RFX4: variants seen among roughly 807,000 people sequenced by gnomAD.
The protein encoded by RFX4 is transcription factor RFX4.
RFX4 carries 10 observed loss-of-function variants against 95.0 expected under a neutral mutation model. The ratio of observed to expected loss-of-function variants is 0.11; its 90% CI spans 0.06 to 0.18. The LOEUF is 0.18. Ranked by LOEUF, RFX4 falls within the 10% of genes least tolerant of loss-of-function variation. RFX4 has a pLI of 1.00. For missense variants in RFX4, 640 were observed against 922.0 expected, an observed-to-expected ratio of 0.69 and a Z score of 3.96; for synonymous variants, 321 against 340.7, an observed-to-expected ratio of 0.94 and a Z score of 0.64.
chr12:106,696,888 T>C (rs1389792979), intron 8 of RFX4, among the ~76,000 whole-genome samples: 1 of 152,234 alleles, frequency 6.6e-6, no homozygotes, highest in Non-Finnish European at 1.5e-5. Context: ...TTGAAGTTTA[T>C]GCTGGACAGC....
At chr12:106,602,580 A>T (rs1461526878) in intron 1 of RFX4, among the ~76,000 whole-genome samples, 1 of 151,998 alleles carries the variant, frequency 6.6e-6, no homozygotes, top group Non-Finnish European at 1.5e-5. Context: ...CCCGTCAGTC[A>T]CTCTGCATCA....
At chr12:106,641,701 C>T (rs1486637054) in intron 3 of RFX4, among the ~76,000 whole-genome samples, 1 of 152,116 alleles carries the variant, frequency 6.6e-6, no homozygotes, top group East Asian at 1.9e-4. Context: ...AGAATTTGTA[C>T]ATATTCGCCT....
intron 7 of RFX4, among the ~76,000 whole-genome samples, chr12:106,694,337 G>A (rs1476215919): frequency 1.3e-5 from 2 of 152,300 alleles, no homozygotes; most frequent in East Asian, 3.9e-4. Flanking sequence ...CTATTCACAG[G>A]AGGCTGAGAT....
At chr12:106,643,611 C>T (rs182718634) in intron 3 of RFX4, among the ~76,000 whole-genome samples, 246 of 152,172 alleles carry the variant, frequency 1.6e-3, no homozygotes, top group Non-Finnish European at 2.8e-3. Flanking sequence ...TGATTTACAA[C>T]GTGTCCCCTT....
chr12:106,700,294 C>T (rs767928974), intron 8 of RFX4, among the ~76,000 whole-genome samples: 28 of 151,858 alleles, frequency 1.8e-4, no homozygotes, highest in Non-Finnish European at 2.6e-4. Context: ...AGTCTCCCAA[C>T]GCGTTGGGAT....
chr12:106,688,169 A>T (rs974472040), intron 6 of RFX4, among the ~76,000 whole-genome samples: 3 of 148,648 alleles, frequency 2.0e-5, no homozygotes, highest in Non-Finnish European at 4.4e-5. Flanking sequence ...TCCCAGGTTC[A>T]AGCAATTCTC....
intron 1 of RFX4, among the ~76,000 whole-genome samples, chr12:106,597,863 A>G (rs1316367779): frequency 6.6e-6 from 1 of 152,284 alleles, no homozygotes; most frequent in East Asian, 1.9e-4. Context: ...CCATCTCTAA[A>G]AAAAGGTGGT....
chr12:106,760,754 G>A (rs963132500), intron 17 of RFX4, among the ~76,000 whole-genome samples: 9 of 152,102 alleles, frequency 5.9e-5, no homozygotes, highest in African/African-American at 2.2e-4. Context: ...ATGCTCTTGG[G>A]TTGACAGACT....
chr12:106,760,236 A>G (rs1246100216), intron 17 of RFX4, among the ~76,000 whole-genome samples: 1 of 152,176 alleles, frequency 6.6e-6, no homozygotes, highest in African/African-American at 2.4e-5. Flanking sequence ...TCAGCACAGC[A>G]AAGAAATCTT....
chr12:106,681,910 T>G, intron 4 of RFX4, 83 bp from the exon 5 acceptor site: 1 of 1,442,978 alleles, frequency 6.9e-7, no homozygotes, highest in East Asian at 2.3e-5. Context: ...TTTCCTCCCT[T>G]CTGTAGATGG....
At chr12:106,659,356 A>G (rs2041025683) in intron 4 of RFX4, among the ~76,000 whole-genome samples, 1 of 152,120 alleles carries the variant, frequency 6.6e-6, no homozygotes, top group South Asian at 2.1e-4. Flanking sequence ...GAGAAAAAAT[A>G]CTTTCAGAAT....
intron 4 of RFX4, among the ~76,000 whole-genome samples, chr12:106,673,813 TC>T (rs1427551289): frequency 6.6e-6 from 1 of 152,260 alleles, no homozygotes; most frequent in Non-Finnish European, 1.5e-5. Flanking sequence ...TTTCATTCTT[TC>T]ATTCAATGAG....
intron 11 of RFX4, among the ~76,000 whole-genome samples, chr12:106,716,506 C>G (rs1267735205): frequency 6.6e-6 from 1 of 152,114 alleles, no homozygotes. Context: ...TGCCTTTAAA[C>G]AAAGTTCCCT....
chr12:106,682,568 T>G (rs1339652093), intron 5 of RFX4: 2 of 154,044 alleles, frequency 1.3e-5, no homozygotes, highest in African/African-American at 4.8e-5. Context: ...ATACTTTCTG[T>G]GTGTCACATA....
intron 2 of RFX4, 92 bp from the exon 3 acceptor site, chr12:106,639,240 A>G: frequency 9.4e-7 from 1 of 1,059,262 alleles, no homozygotes; most frequent in Non-Finnish European, 1.4e-6. Flanking sequence ...TCAAAGAAAC[A>G]TAGTCTTTTG....
At chr12:106,632,138 A>G (rs1302334139) in intron 2 of RFX4, among the ~76,000 whole-genome samples, 2 of 152,232 alleles carry the variant, frequency 1.3e-5, no homozygotes, top group African/African-American at 4.8e-5. Context: ...AGTTTATGTC[A>G]GGAGGTAGAT....
At chr12:106,688,883 G>C (rs977847905) in intron 6 of RFX4, among the ~76,000 whole-genome samples, 2 of 152,192 alleles carry the variant, frequency 1.3e-5, no homozygotes, top group African/African-American at 4.8e-5. Flanking sequence ...CTTTCTAGTG[G>C]TCTCAGCCAA....
chr12:106,678,247 C>T (rs976664426), intron 4 of RFX4, among the ~76,000 whole-genome samples: 12 of 152,162 alleles, frequency 7.9e-5, no homozygotes, highest in African/African-American at 1.7e-4. Flanking sequence ...AGAACACAGT[C>T]GGCAACCCCT....
At chr12:106,710,067 C>G (rs2042163022) in intron 9 of RFX4, among the ~76,000 whole-genome samples, 5 of 152,156 alleles carry the variant, frequency 3.3e-5, no homozygotes, top group Admixed American at 3.3e-4. Flanking sequence ...TTCTAATTTT[C>G]TGTTTCAATC....
Sources: gnomAD v4.1 joint callset for allele counts (sites outside exome capture counted in the v4.1 genomes callset) on GRCh38, gnomAD v4.1.1 for gene constraint, MANE v1.5 for transcripts, NCBI Gene and HGNC (gene_info 2026-07-23, HGNC 2026-07-21) for gene names.